NOSTRIN: variants seen among roughly 807,000 people sequenced by gnomAD.
NOSTRIN encodes nitric oxide synthase trafficking, also known as BM247 homolog.
A neutral mutation model predicts 59.0 loss-of-function variants in NOSTRIN; 63 were observed. The observed-to-expected ratio is 1.07, with a 90% CI of 0.87 to 1.32. NOSTRIN has a LOEUF of 1.32. Among genes scored for constraint, NOSTRIN ranks in the 40% most tolerant of loss-of-function variants. NOSTRIN has a pLI of 0.00. For synonymous variants in NOSTRIN, 200 were observed against 165.4 expected (o/e 1.21, Z -1.61); for missense variants, 512 against 473.1 (o/e 1.08, Z -0.76).
intron 7 of NOSTRIN, among the ~76,000 whole-genome samples, chr2:168,839,445 CTTG>C (rs1559127029): frequency 6.6e-6 from 1 of 152,182 alleles, no homozygotes; most frequent in Non-Finnish European, 1.5e-5. Context: ...GGGAGCCTGT[CTTG>C]TTCCATTTTC....
chr2:168,787,968 A>G (rs1455239032), exon 2 of NOSTRIN: 2 of 152,190 alleles, frequency 1.3e-5, no homozygotes, highest in Non-Finnish European at 2.9e-5. Flanking sequence ...ACTGCCTGCC[A>G]AAGCAGAACC....
intron 14 of NOSTRIN, 138 bp downstream of exon 14, chr2:168,861,047 G>C (rs749448235): frequency 1.7e-6 from 1 of 602,676 alleles, no homozygotes; most frequent in Non-Finnish European, 3.0e-6. Flanking sequence ...CGATTAATTT[G>C]TTAGACTCTG....
chr2:168,844,880 A>AC (rs1433664915), intron 8 of NOSTRIN, among the ~76,000 whole-genome samples: 3 of 151,298 alleles, frequency 2.0e-5, no homozygotes, highest in Admixed American at 2.0e-4. Context: ...AAAAAGAAAA[A>AC]AAAAAAAAGA....
chr2:168,863,704 G>A lies in NOSTRIN; in HGVS notation c.1385-1130G>A, dbSNP rs1689637942. On this transcript the variant is annotated intron_variant, in intron 15 of 15. Coordinates refer to ENST00000317647, the MANE Select transcript of NOSTRIN (RefSeq NM_001039724.4). ...TTAAACTTTTGGCCTGTGAAATCAG[G>A]GATAATGCAGAGACATTGTCTTGAT... 5 of 956,954 alleles carry A rather than the reference G, an allele frequency of 5.2e-6. No individual in the cohort carries two copies. In the South Asian group the frequency reaches 1.5e-4, roughly 28 times the overall value. The allele number at this position is 956,954 out of a possible 1,614,324, so 59.3% of individuals were successfully genotyped here.
chr2:168,843,601 TATCTG>T (rs2105721405), intron 8 of NOSTRIN, among the ~76,000 whole-genome samples: 1 of 152,226 alleles, frequency 6.6e-6, no homozygotes, highest in East Asian at 1.9e-4. Context: ...TGTGGCAAAT[TATCTG>T]ATAATAATGG....
At chr2:168,813,000 A>G (rs1686228988) in intron 2 of NOSTRIN, among the ~76,000 whole-genome samples, 1 of 144,024 alleles carries the variant, frequency 6.9e-6, no homozygotes, top group African/African-American at 2.4e-5. Flanking sequence ...TATCAAAAGG[A>G]GTCAAAAAGA....
chr2:168,853,572 C>T (rs1688898438), intron 10 of NOSTRIN, among the ~76,000 whole-genome samples: 1 of 152,212 alleles, frequency 6.6e-6, no homozygotes, highest in Admixed American at 6.5e-5. Context: ...CATGTTTAAA[C>T]AATAGATGTC....
At position 168,791,352 on chromosome 2, in the gene NOSTRIN, A is replaced by G. The variant is rs183833256; in HGVS notation, c.-473+3304A>G. On this transcript the variant is annotated intron_variant, in intron 2 of 20. Transcript: ENST00000458381. ...CCTTTTTATGGCTGCATAGTATTCCATGGTGTATATGTGCCACATTTTCTT... is the reference window on the plus strand; with the variant it reads ...CCTTTTTATGGCTGCATAGTATTCCGTGGTGTATATGTGCCACATTTTCTT... Among the ~76,000 whole-genome samples the G allele has an allele frequency of 8.3e-3, 1,260 of 152,270 alleles. 17 individuals are homozygous for G. Among genetic ancestry groups the G allele is most frequent in the African/African-American group, 0.029 (1,186 of 41,536 alleles).
rs573928406 is a variant in NOSTRIN at position 168,791,238 on chromosome 2, C to T, written c.-473+3190C>T. ...ATTCCCACCTGTGAGTGAGAACATG[C>T]GGTGTTTGGTTTTTTGTCCTTGCAA... On this transcript the variant is annotated intron_variant, in intron 2 of 20. Transcript: ENST00000458381. Among the ~76,000 whole-genome samples, 106 of 152,196 alleles carry T rather than the reference C, an allele frequency of 7.0e-4. 2 individuals are homozygous for T. Among genetic ancestry groups the T allele is most frequent in the East Asian group, 1.2e-3 (6 of 5,174 alleles).
chr2:168,861,776 G>A (rs541566617), intron 14 of NOSTRIN, among the ~76,000 whole-genome samples, 184 bp from the exon 15 acceptor site: 3 of 152,272 alleles, frequency 2.0e-5, no homozygotes, highest in South Asian at 4.1e-4. Flanking sequence ...CATACATATA[G>A]AAAGTGCATC....
chr2:168,826,041 A>G (rs955304529), intron 3 of NOSTRIN, among the ~76,000 whole-genome samples: 2 of 152,242 alleles, frequency 1.3e-5, no homozygotes, highest in South Asian at 2.1e-4. Flanking sequence ...TGAGTGACCT[A>G]GGAAAATTTA....
In NOSTRIN at chr2:168,843,136, T is replaced by G. The variant is rs2105719266; in HGVS notation, c.630+19T>G. 2.3e-6 allele frequency: 2 copies of G among 857,522 alleles called. No individual in the cohort carries two copies. Among genetic ancestry groups the G allele is most frequent in the South Asian group, 1.4e-5 (1 of 73,878 alleles). 53.1% of individuals were successfully genotyped at this position (857,522 alleles called of 1,614,324 possible). A position where few individuals can be genotyped will look rare whatever the true frequency, so the allele number is the denominator to read the frequency against. On this transcript the variant is annotated intron_variant, in intron 8 of 15. Transcript: ENST00000317647. ...CTACCAGGTAAGTTATATATTCACA[T>G]TTTTTTCTTCTTCTGTGGAGCTTTG...
chr2:168,836,878 A>G (rs1687750864), intron 7 of NOSTRIN, among the ~76,000 whole-genome samples: 1 of 152,086 alleles, frequency 6.6e-6, no homozygotes, highest in African/African-American at 2.4e-5. Flanking sequence ...CCTCCCCACC[A>G]GCCTTCTATA....
chr2:168,803,398 T>C (rs1394667116), intron 1 of NOSTRIN, among the ~76,000 whole-genome samples: 1 of 152,128 alleles, frequency 6.6e-6, no homozygotes, highest in Non-Finnish European at 1.5e-5. Context: ...TCCCAACACA[T>C]GGGGCTGAAA....
chr2:168,834,939 A>G (rs1476611233), intron 7 of NOSTRIN, among the ~76,000 whole-genome samples: 1 of 152,272 alleles, frequency 6.6e-6, no homozygotes, highest in Non-Finnish European at 1.5e-5. Context: ...AAGATGAAAT[A>G]ATATTTTAAA....
intron 7 of NOSTRIN, among the ~76,000 whole-genome samples, chr2:168,839,745 G>T (rs1395932778): frequency 6.6e-6 from 1 of 151,490 alleles, no homozygotes; most frequent in Non-Finnish European, 1.5e-5. Flanking sequence ...GAAATCCTGG[G>T]CGTGGTGGCA....
chr2:168,802,584 T>G (rs1291309943), upstream of NOSTRIN: 1 of 851,380 alleles, frequency 1.2e-6, no homozygotes, highest in Non-Finnish European at 2.0e-6. Flanking sequence ...ACACCCAACC[T>G]TGATTACAGT....
intron 1 of NOSTRIN, among the ~76,000 whole-genome samples, chr2:168,805,491 A>T (rs1685800839): frequency 6.6e-6 from 1 of 152,230 alleles, no homozygotes; most frequent in African/African-American, 2.4e-5. Flanking sequence ...GTAAGATCCA[A>T]TTATCTCTAA....
intron 10 of NOSTRIN, among the ~76,000 whole-genome samples, chr2:168,851,917 C>G (rs761144969): frequency 9.2e-5 from 14 of 152,170 alleles, no homozygotes; most frequent in Admixed American, 2.0e-4. Flanking sequence ...TCTCCAGGCT[C>G]TTCCTCCAGA....
Sources: gnomAD v4.1 joint callset for allele counts (sites outside exome capture counted in the v4.1 genomes callset) on GRCh38, gnomAD v4.1.1 for gene constraint, MANE v1.5 for transcripts, NCBI Gene and HGNC (gene_info 2026-07-23, HGNC 2026-07-21) for gene names.